KCTD8: variants seen among roughly 807,000 people sequenced by gnomAD.
KCTD8 encodes BTB/POZ domain-containing protein KCTD8.
Under a neutral mutation model 31.5 loss-of-function variants are expected in KCTD8, and 27 were observed. The observed-to-expected ratio is 0.86, with a 90% CI of 0.63 to 1.18. The LOEUF (loss-of-function observed/expected upper bound fraction) is 1.18, where lower values mean the gene tolerates loss of function less well. KCTD8 is among the 50% of genes most tolerant of loss of function. The pLI, the probability that KCTD8 is intolerant of heterozygous loss-of-function variation, is 0.00. For synonymous variants in KCTD8, 290 were observed against 280.0 expected (o/e 1.04, Z -0.36); for missense variants, 658 against 647.7 (o/e 1.02, Z -0.17).
intron 1 of KCTD8, among the ~76,000 whole-genome samples, chr4:44,355,658 G>A (rs1719323348): frequency 6.6e-6 from 1 of 152,014 alleles, no homozygotes; most frequent in Non-Finnish European, 1.5e-5. Flanking sequence ...TGACAGCTAG[G>A]GTTGACTTCT....
chr4:44,223,627 G>T (rs1476099442), intron 1 of KCTD8, among the ~76,000 whole-genome samples: 1 of 152,150 alleles, frequency 6.6e-6, no homozygotes, highest in Admixed American at 6.5e-5. Flanking sequence ...CTAGTCTAGT[G>T]GCAGAGTAAA....
rs1721848391 is a variant in KCTD8, at chr4:44,442,849, T to G, written c.961+4714A>C. Among the ~76,000 whole-genome samples the G allele has an allele frequency of 1.3e-5, 2 of 151,210 alleles. 1 individual carries two copies. The highest frequency in any genetic ancestry group is 4.2e-4 in the South Asian group (2 of 4,796). ...CTACAAGAGAAAGAACCTTGTCAAATAAAGCTTGTAGCCACTCAGTTTTTC... is the reference window on the plus strand; with the variant it reads ...CTACAAGAGAAAGAACCTTGTCAAAGAAAGCTTGTAGCCACTCAGTTTTTC... On this transcript the variant is annotated intron_variant, in intron 1 of 1. Coordinates refer to ENST00000360029, the MANE Select transcript of KCTD8 (RefSeq NM_198353.3).
chr4:44,246,550 T>C (rs1172769609), intron 1 of KCTD8, among the ~76,000 whole-genome samples: 6 of 152,052 alleles, frequency 3.9e-5, no homozygotes, highest in African/African-American at 1.4e-4. Flanking sequence ...AATTTTCTCC[T>C]ATTCTGAAAA....
chr4:44,391,532 T>C (rs1003248213), intron 1 of KCTD8, among the ~76,000 whole-genome samples: 1 of 151,874 alleles, frequency 6.6e-6, no homozygotes, highest in African/African-American at 2.4e-5. Context: ...CTCTTTCTTA[T>C]GATTTTCTTA....
chr4:44,398,547 A>G (rs1348113209), intron 1 of KCTD8, among the ~76,000 whole-genome samples: 2 of 152,220 alleles, frequency 1.3e-5, no homozygotes, highest in Non-Finnish European at 2.9e-5. Context: ...AGGGGATACT[A>G]GAAGGGTTTT....
intron 1 of KCTD8, among the ~76,000 whole-genome samples, chr4:44,285,737 A>G (rs1477055309): frequency 1.3e-5 from 2 of 152,176 alleles, no homozygotes; most frequent in Non-Finnish European, 1.5e-5. Flanking sequence ...TCTGTAGCCC[A>G]TAGATCAAGG....
intron 1 of KCTD8, among the ~76,000 whole-genome samples, chr4:44,388,743 C>T (rs1720290060): frequency 6.6e-6 from 1 of 151,672 alleles, no homozygotes; most frequent in African/African-American, 2.4e-5. Context: ...GGAAAAACAA[C>T]TAATGAGTGC....
intron 1 of KCTD8, among the ~76,000 whole-genome samples, chr4:44,323,970 C>T (rs899073274): frequency 6.6e-6 from 1 of 150,732 alleles, no homozygotes; most frequent in Non-Finnish European, 1.5e-5. Context: ...GTGCAGCGCA[C>T]CAGCATGGCA....
intron 1 of KCTD8, among the ~76,000 whole-genome samples, chr4:44,438,575 A>C (rs1469371293): frequency 6.6e-6 from 1 of 152,170 alleles, no homozygotes; most frequent in Non-Finnish European, 1.5e-5. Context: ...TCAATGAAAA[A>C]CCAACCAGAA....
intron 1 of KCTD8, among the ~76,000 whole-genome samples, chr4:44,198,801 A>G (rs1381823663): frequency 1.3e-5 from 2 of 152,180 alleles, no homozygotes; most frequent in South Asian, 2.1e-4. Flanking sequence ...AAAATATCAC[A>G]TATCAATACT....
intron 1 of KCTD8, among the ~76,000 whole-genome samples, chr4:44,325,710 C>A (rs538846264): frequency 8.0e-4 from 121 of 151,926 alleles, no homozygotes; most frequent in Middle Eastern, 6.8e-3. Flanking sequence ...GCCCCAGGCA[C>A]AAAGATATTA....
Position 44,437,058 on chromosome 4 carries a change from G to GTT in KCTD8, c.961+10503_961+10504dup, listed in dbSNP as rs11392516. ...CCAGAAGTGCACAATGATTTTGAAA[G>GTT]TTTTTTTTTTTTTTTAACCAAAGAA... On this transcript the variant is annotated intron_variant, in intron 1 of 1. Coordinates refer to ENST00000360029, the MANE Select transcript of KCTD8 (RefSeq NM_198353.3). 5.6e-3 allele frequency among the ~76,000 whole-genome samples: 821 copies of GTT among 146,556 alleles called. 2 individuals are homozygous for GTT. Among genetic ancestry groups the GTT allele is most frequent in the African/African-American group, 0.01 (412 of 40,010 alleles).
At chr4:44,416,456 T>C (rs1315526468) in intron 1 of KCTD8, among the ~76,000 whole-genome samples, 1 of 152,148 alleles carries the variant, frequency 6.6e-6, no homozygotes, top group African/African-American at 2.4e-5. Context: ...GGTTTGGATA[T>C]GCATCTCCTC....
intron 1 of KCTD8, among the ~76,000 whole-genome samples, chr4:44,201,721 C>A (rs1272411670): frequency 6.6e-6 from 1 of 152,060 alleles, no homozygotes; most frequent in Admixed American, 6.6e-5. Context: ...AGGAAATACC[C>A]TTCTTGATAT....
At chr4:44,196,168 T>C (rs1016665615) in intron 1 of KCTD8, among the ~76,000 whole-genome samples, 8 of 152,154 alleles carry the variant, frequency 5.3e-5, no homozygotes, top group Non-Finnish European at 8.8e-5. Context: ...AGCAATACTA[T>C]CATACTCTTT....
intron 1 of KCTD8, among the ~76,000 whole-genome samples, chr4:44,361,460 T>C (rs931112602): frequency 1.3e-5 from 2 of 152,096 alleles, no homozygotes; most frequent in Non-Finnish European, 1.5e-5. Flanking sequence ...TTTTAAAACA[T>C]GAAATACTTA....
At chr4:44,341,957 C>T (rs1049593193) in intron 1 of KCTD8, among the ~76,000 whole-genome samples, 5 of 152,154 alleles carry the variant, frequency 3.3e-5, no homozygotes, top group Non-Finnish European at 5.9e-5. Flanking sequence ...AATAGTAAGG[C>T]TTAAAGGTCT....
intron 1 of KCTD8, among the ~76,000 whole-genome samples, chr4:44,184,043 G>A (rs1713507220): frequency 6.6e-6 from 1 of 152,176 alleles, no homozygotes; most frequent in Non-Finnish European, 1.5e-5. Flanking sequence ...AAGGCATAGT[G>A]TTAGCTACAA....
At chr4:44,317,767 A>T (rs1718180781) in intron 1 of KCTD8, among the ~76,000 whole-genome samples, 1 of 152,218 alleles carries the variant, frequency 6.6e-6, no homozygotes, top group Admixed American at 6.5e-5. Context: ...TGGGTTAAAA[A>T]GTTTGCCAAC....
Sources: gnomAD v4.1 joint callset for allele counts (sites outside exome capture counted in the v4.1 genomes callset) on GRCh38, gnomAD v4.1.1 for gene constraint, MANE v1.5 for transcripts, NCBI Gene and HGNC (gene_info 2026-07-23, HGNC 2026-07-21) for gene names.